SEMA6D: variants seen among roughly 807,000 people sequenced by gnomAD.
SEMA6D encodes the protein semaphorin 6D, also known as semaphorin-6D.
Under a neutral mutation model 106.6 loss-of-function variants are expected in SEMA6D, and 35 were observed. The observed-to-expected ratio is 0.33, with a 90% CI of 0.25 to 0.44. The LOEUF is 0.44. Ranked by LOEUF, SEMA6D falls within the 20% of genes least tolerant of loss-of-function variation. SEMA6D has a pLI of 1.00. For missense variants in SEMA6D, 1,185 were observed against 1,345.9 expected (o/e 0.88, Z 1.87); for synonymous variants, 499 against 487.7 (o/e 1.02, Z -0.31).
At chr15:47,755,626 TG>T (rs749662221) in intron 1 of SEMA6D, among the ~76,000 whole-genome samples, 102 of 152,150 alleles carry the variant, frequency 6.7e-4, no homozygotes, top group Non-Finnish European at 9.0e-4. Context: ...TTGTAAAACA[TG>T]GTTTACCTCA....
At chr15:47,276,896 A>T (rs577871476) in intron 1 of SEMA6D, among the ~76,000 whole-genome samples, 1 of 152,316 alleles carries the variant, frequency 6.6e-6, no homozygotes, top group South Asian at 2.1e-4. Flanking sequence ...TATAAATGGC[A>T]TAAAGAGCAT....
chr15:47,276,650 C>A (rs2034830561), intron 1 of SEMA6D, among the ~76,000 whole-genome samples: 1 of 152,124 alleles, frequency 6.6e-6, no homozygotes. Context: ...TATTACTGTT[C>A]ATTGACAATG....
intron 2 of SEMA6D, among the ~76,000 whole-genome samples, chr15:47,458,614 A>G (rs897936105): frequency 3.3e-5 from 5 of 152,050 alleles, no homozygotes; most frequent in Admixed American, 2.6e-4. Context: ...ATTAACCTGT[A>G]TGTCAAAGAA....
At chr15:47,532,693 A>G (rs567629843) in intron 3 of SEMA6D, among the ~76,000 whole-genome samples, 1 of 152,306 alleles carries the variant, frequency 6.6e-6, no homozygotes, top group Admixed American at 6.5e-5. Flanking sequence ...GCCAATCCAC[A>G]GTGGCTGGTA....
chr15:47,187,235 TA>T (rs1893641076), intron 1 of SEMA6D, among the ~76,000 whole-genome samples: 1 of 152,180 alleles, frequency 6.6e-6, no homozygotes, highest in African/African-American at 2.4e-5. Flanking sequence ...AAAGATACAC[TA>T]AAACCTTATT....
At chr15:47,537,533 A>G (rs1596270066) in intron 3 of SEMA6D, among the ~76,000 whole-genome samples, 1 of 152,342 alleles carries the variant, frequency 6.6e-6, no homozygotes, top group Non-Finnish European at 1.5e-5. Flanking sequence ...TGTAAGTCTT[A>G]AAAAGGAGAA....
chr15:47,304,942 A>G (rs926226759), intron 1 of SEMA6D, among the ~76,000 whole-genome samples: 1 of 152,210 alleles, frequency 6.6e-6, no homozygotes, highest in African/African-American at 2.4e-5. Flanking sequence ...TGAAAGACTC[A>G]CCCTGACCAT....
rs186612899 is a variant in SEMA6D at position 47,486,935 on chromosome 15, A to G, written c.-87+16390A>G. Among the ~76,000 whole-genome samples, 21 of 152,182 alleles carry G rather than the reference A, an allele frequency of 1.4e-4. No homozygotes were observed. The East Asian group carries it at 2.7e-3, about 20-fold the overall frequency. ...GTACTGTTTAACTTTCCCAGAACAC[A>G]CTGTTATTTTTAAATAATTATTTCT... On this transcript the variant is annotated intron_variant, in intron 3 of 19. Transcript: ENST00000558014.
At chr15:47,395,913 A>T (rs983771530) in intron 1 of SEMA6D, among the ~76,000 whole-genome samples, 2 of 152,210 alleles carry the variant, frequency 1.3e-5, no homozygotes, top group Admixed American at 1.3e-4. Context: ...CAGAATTCAT[A>T]TGTCAAATTA....
chr15:47,291,685 A>T (rs912304033), intron 1 of SEMA6D, among the ~76,000 whole-genome samples: 5 of 152,128 alleles, frequency 3.3e-5, no homozygotes, highest in Non-Finnish European at 5.9e-5. Context: ...TATTATCTAT[A>T]ATGCTTTGAT....
At chr15:47,765,826 G>T in intron 13 of SEMA6D, 43 bp from the exon 14 acceptor site, 1 of 1,456,252 alleles carries the variant, frequency 6.9e-7, no homozygotes, top group Non-Finnish European at 9.1e-7. Context: ...AACCACACTT[G>T]ACTGACTAAA....
At chr15:47,400,991 G>A (rs2040379931) in intron 1 of SEMA6D, among the ~76,000 whole-genome samples, 1 of 152,188 alleles carries the variant, frequency 6.6e-6, no homozygotes, top group African/African-American at 2.4e-5. Context: ...TCAATTATTA[G>A]TAGTGTAACA....
chr15:47,518,472 A>G (rs963730043), intron 3 of SEMA6D, among the ~76,000 whole-genome samples: 1 of 152,232 alleles, frequency 6.6e-6, no homozygotes. Flanking sequence ...TTGTGCAAAC[A>G]TCATAGAATG....
At chr15:47,477,217 C>G (rs1367077985) in intron 3 of SEMA6D, among the ~76,000 whole-genome samples, 1 of 152,090 alleles carries the variant, frequency 6.6e-6, no homozygotes, top group Non-Finnish European at 1.5e-5. Flanking sequence ...CACATGAACT[C>G]TTGCTGGAGT....
intron 4 of SEMA6D, among the ~76,000 whole-genome samples, chr15:47,668,631 T>C (rs1330962291): frequency 1.3e-5 from 2 of 151,770 alleles, no homozygotes; most frequent in African/African-American, 4.8e-5. Context: ...AAAGGAAGAG[T>C]CTCTTCCAAC....
At position 47,695,788 on chromosome 15, in the gene SEMA6D, T is replaced by A. The variant is rs533420403; in HGVS notation, c.-54-63957T>A. Among the ~76,000 whole-genome samples the A allele has an allele frequency of 2.1e-3, 315 of 152,286 alleles. 4 individuals are homozygous for A. Among genetic ancestry groups the A allele is most frequent in the East Asian group, 4.8e-3 (25 of 5,182 alleles). ...ATGCCTGGATGTGACAGCAAGTTGA[T>A]TTATATTGGATTTTATATATTCTGG... On this transcript the variant is annotated intron_variant, in intron 4 of 19. Transcript: ENST00000558014.
chr15:47,407,462 A>G (rs2040633223), intron 1 of SEMA6D, among the ~76,000 whole-genome samples: 1 of 152,076 alleles, frequency 6.6e-6, no homozygotes, highest in Non-Finnish European at 1.5e-5. Context: ...ACAATTCCAA[A>G]CAACCAGAAT....
At chr15:47,388,188 A>G (rs1295539281) in intron 1 of SEMA6D, among the ~76,000 whole-genome samples, 3 of 152,186 alleles carry the variant, frequency 2.0e-5, no homozygotes, top group Admixed American at 1.3e-4. Context: ...CAAACAATCA[A>G]TGAATATATA....
At chr15:47,490,573 A>C (rs2043441587) in intron 3 of SEMA6D, among the ~76,000 whole-genome samples, 3 of 152,172 alleles carry the variant, frequency 2.0e-5, no homozygotes, top group Admixed American at 2.0e-4. Flanking sequence ...GGAACCCAGG[A>C]GGTGGAGGTT....
Sources: allele counts gnomAD v4.1 joint callset (sites outside exome capture counted in the v4.1 genomes callset), GRCh38; gene constraint gnomAD v4.1.1; transcripts MANE v1.5; gene names NCBI Gene and HGNC (gene_info 2026-07-23, HGNC 2026-07-21).